The following BCORL1 variants were observed in gnomAD, a reference collection of about 807,000 sequenced individuals.
BCORL1 encodes BCL6 corepressor like 1.
A neutral mutation model predicts 87.6 loss-of-function variants in BCORL1; 7 were observed. The observed-to-expected ratio is 0.08, with a 90% CI of 0.05 to 0.15. The LOEUF is 0.15. BCORL1 is among the 10% of genes least tolerant of loss of function. The probability of loss-of-function intolerance (pLI) is 1.00; values close to 1 mark genes in which losing one functional copy is unlikely to be tolerated. For missense variants in BCORL1, 1,215 were observed against 1,499.7 expected (o/e 0.81, Z 3.13); for synonymous variants, 591 against 634.4 (o/e 0.93, Z 1.03).
rs1474070707 is a variant in BCORL1 at position 130,055,719 on chromosome X, G to A, written c.5076-135G>A. 6 of 704,632 alleles carry A rather than the reference G, an allele frequency of 8.5e-6. No homozygotes were observed. The African/African-American group carries it at 1.3e-4, about 15-fold the overall frequency. The allele number at this position is 704,632 out of a possible 1,213,427, so 58.1% of individuals were successfully genotyped here. On this transcript the variant is annotated intron_variant, in intron 13 of 13. Coordinates refer to ENST00000540052, the MANE Select transcript of BCORL1 (RefSeq NM_001379451.1). ...CTGTGGTTTAGCAGGGGACGGGGGA[G>A]CCAGACTGGCAGTGAGTTATAATGG...
At position 130,013,280 on chromosome X, in the gene BCORL1, GAGA is replaced by G. The variant is rs774058034; in HGVS notation, c.513_515del (p.Lys171del). ...TTTGGACTCTCGGCAAGGTGTTGGA[GAGA>G]AGAATACTTTCATTTTGGCAACTCT... On this transcript the variant is annotated inframe_deletion, in exon 4 of 14. Transcript: ENST00000540052. 9 of 1,212,071 alleles carry G rather than the reference GAGA, an allele frequency of 7.4e-6. No individual in the cohort carries two copies. The highest frequency in any genetic ancestry group is 3.0e-5 in the East Asian group (1 of 33,849).
chrX:129,988,874 T>G (rs1422928567), intron 1 of BCORL1, among the ~76,000 whole-genome samples: 1 of 111,986 alleles, frequency 8.9e-6, no homozygotes, highest in Admixed American at 9.5e-5. Context: ...CCAAGTTTTG[T>G]GGAGAAGTGC....
chrX:130,039,062 A>G, intron 10 of BCORL1, 75 bp from the exon 11 acceptor site: 3 of 1,123,802 alleles, frequency 2.7e-6, no homozygotes, highest in Non-Finnish European at 3.6e-6. Context: ...TTTTCCCCTG[A>G]TGCAGTAGCC....
intron 5 of BCORL1, among the ~76,000 whole-genome samples, chrX:130,021,609 G>C (rs1435116999): frequency 9.0e-6 from 1 of 111,726 alleles, no homozygotes; most frequent in Non-Finnish European, 1.9e-5. Context: ...TTATCATTTA[G>C]GGACACACAG....
At chrX:130,022,118 A>G (rs1018173193) in intron 5 of BCORL1, among the ~76,000 whole-genome samples, 1 of 108,966 alleles carries the variant, frequency 9.2e-6, no homozygotes, top group East Asian at 2.9e-4. Flanking sequence ...TTCTCTGTTC[A>G]CTGGCTCCTT....
At chrX:130,009,735 G>A (rs1479930992) in intron 2 of BCORL1, among the ~76,000 whole-genome samples, 1 of 110,843 alleles carries the variant, frequency 9.0e-6, no homozygotes, top group Non-Finnish European at 1.9e-5. Flanking sequence ...GTTCCACAAA[G>A]CCTTGAACAT....
In BCORL1 at chrX:130,002,592, A is replaced by G. The variant is rs1049461833; in HGVS notation, c.-44-2596A>G. Among the ~76,000 whole-genome samples the G allele has an allele frequency of 7.7e-5, 8 of 104,479 alleles. No homozygotes were observed. The Admixed American group carries it at 8.4e-4, about 11-fold the overall frequency. The allele number at this position is 104,479 out of a possible 115,157, so 90.7% of individuals were successfully genotyped here. ...GGAAGGAGGGGGAGAGGGAGGAGAG[A>G]ATGAATGGGAGACTGAGGGAAATGG... is the stretch of plus-strand genomic sequence containing the variant. On this transcript the variant is annotated intron_variant, in intron 1 of 13. Transcript: ENST00000540052.
intron 1 of BCORL1, among the ~76,000 whole-genome samples, chrX:130,004,267 C>T (rs779871202): frequency 4.0e-3 from 317 of 78,325 alleles, no homozygotes; most frequent in African/African-American, 0.018. Context: ...TTTTTTGAGA[C>T]AGAGTCTTGC....
chrX:130,020,558 C>T (rs891617438), intron 4 of BCORL1, among the ~76,000 whole-genome samples: 1 of 112,082 alleles, frequency 8.9e-6, no homozygotes, highest in African/African-American at 3.2e-5. Flanking sequence ...GAATTATTTT[C>T]AGTTGTTGGT....
At chrX:130,041,326 C>T (rs929224436) in intron 11 of BCORL1, among the ~76,000 whole-genome samples, 3 of 103,406 alleles carry the variant, frequency 2.9e-5, no homozygotes, top group African/African-American at 7.3e-5. Flanking sequence ...GAAATAAACA[C>T]GTTTCTCTTA....
rs146517361 is a variant in BCORL1, at chrX:130,047,194, G to A, written c.4841-3523G>A. On this transcript the variant is annotated intron_variant, in intron 11 of 13. Coordinates refer to ENST00000540052, the MANE Select transcript of BCORL1 (RefSeq NM_001379451.1). ...TTCTGAATGGGGCTGCTGTGAGCACGCATGTACAAATACTTGTTTGAGTAT... is the reference window on the plus strand; with the variant it reads ...TTCTGAATGGGGCTGCTGTGAGCACACATGTACAAATACTTGTTTGAGTAT... Among the ~76,000 whole-genome samples, 298 of 111,752 alleles carry A rather than the reference G, an allele frequency of 2.7e-3. 2 individuals carry two copies. Among genetic ancestry groups the A allele is most frequent in the African/African-American group, 8.7e-3 (267 of 30,796 alleles).
chrX:129,994,488 G>A (rs766049466), intron 1 of BCORL1, among the ~76,000 whole-genome samples: 3 of 111,634 alleles, frequency 2.7e-5, no homozygotes, highest in Admixed American at 1.9e-4. Context: ...AGCCCTGGCC[G>A]CTCGGCTGAG....
At chrX:130,007,089 G>A (rs59657919) in intron 2 of BCORL1, among the ~76,000 whole-genome samples, 1 of 111,973 alleles carries the variant, frequency 8.9e-6, no homozygotes, top group South Asian at 3.7e-4. Context: ...GAAGGGAAAA[G>A]GAATGGAAGT....
intron 11 of BCORL1, among the ~76,000 whole-genome samples, chrX:130,046,951 C>T (rs1931793551): frequency 1.9e-5 from 2 of 103,271 alleles, no homozygotes; most frequent in South Asian, 9.6e-4. Flanking sequence ...ATCTTTCTGT[C>T]TCTATGGATT....
rs1332765592 is a variant in BCORL1, at chrX:130,015,937, T to C, written c.3165T>C (p.Asp1055=). ...GGCGAGTGAAAATGGAGAAGGTGGA[T>C]GGTGATGTGGTCTTCAATTTAGCCA... ...DLGRVKMEKV[D]GDVVFNLATC... is the part of the protein sequence containing the mutation. Residue 1055 remains aspartate, a synonymous_variant, in exon 4 of 14, where the codon GAT becomes GAC. Coordinates refer to ENST00000540052, the MANE Select transcript of BCORL1 (RefSeq NM_001379451.1). 8 of 1,209,634 alleles carry C rather than the reference T, an allele frequency of 6.6e-6. No homozygotes were observed. In the Admixed American group the frequency reaches 1.1e-4, roughly 17 times the overall value.
intron 1 of BCORL1, among the ~76,000 whole-genome samples, chrX:129,990,258 G>A (rs1280591218): frequency 9.0e-6 from 1 of 110,786 alleles, no homozygotes; most frequent in Non-Finnish European, 1.9e-5. Context: ...TTGAGATGGA[G>A]TCTCGCTCTT....
At position 130,014,739 on chromosome X, in the gene BCORL1, C is replaced by T. The variant is rs1210137406; in HGVS notation, c.1967C>T (p.Ala656Val). 6 of 1,211,510 alleles carry T rather than the reference C, an allele frequency of 5.0e-6. No individual in the cohort carries two copies. Among genetic ancestry groups the T allele is most frequent in the South Asian group, 1.8e-5 (1 of 56,954 alleles). ...VLTPVHTSSK[A>V]LLSTVLSRSQ... is the part of the protein sequence containing the mutation. The stretch of plus-strand genomic sequence containing the variant: ...ACCCCCGTGCACACCAGCAGCAAGG[C>T]CCTCCTCTCCACAGTCCTGTCTAGG... Residue 656 changes from alanine (A) to valine (V), a missense_variant, in exon 4 of 14, where the codon GCC becomes GTC. This residue lies in a region of BCORL1 where 861 missense variants were observed against 1,010.0 expected (regional missense o/e 0.85). Transcript: ENST00000540052.
intron 13 of BCORL1, among the ~76,000 whole-genome samples, chrX:130,053,440 A>T (rs1932186874): frequency 9.0e-6 from 1 of 111,535 alleles, no homozygotes; most frequent in Non-Finnish European, 1.9e-5. Flanking sequence ...TCTGGGATAT[A>T]GTATTGCACG....
chrX:129,981,641 G>C (rs1177594080), upstream of BCORL1: 1 of 107,398 alleles, frequency 9.3e-6, no homozygotes, highest in African/African-American at 3.4e-5. Flanking sequence ...GGGGGGACGG[G>C]AGTATTAATA....
Sources: allele counts gnomAD v4.1 joint callset (sites outside exome capture counted in the v4.1 genomes callset), GRCh38; gene constraint gnomAD v4.1.1; regional missense constraint gnomAD v4.1.1; transcripts MANE v1.5; gene names NCBI Gene and HGNC (gene_info 2026-07-23, HGNC 2026-07-21).